NTM: variants seen among roughly 807,000 people sequenced by gnomAD.
The protein encoded by NTM is IgLON family member 2.
In NTM, 13 loss-of-function variants were observed where a neutral mutation model predicts 42.1. That is an observed-to-expected ratio of 0.31 (90% confidence interval 0.20 to 0.49). The LOEUF is 0.49. Among genes scored for constraint, NTM ranks in the 20% least tolerant of loss-of-function variants. The pLI is 0.99. For synonymous variants in NTM, 187 were observed against 179.2 expected (o/e 1.04, Z -0.35); for missense variants, 373 against 452.8 (o/e 0.82, Z 1.60).
chr11:132,295,724 AG>A (rs1482036891), intron 4 of NTM, among the ~76,000 whole-genome samples: 2 of 152,208 alleles, frequency 1.3e-5, no homozygotes, highest in Non-Finnish European at 2.9e-5. Context: ...ATGGCAATAA[AG>A]AACCCAGAGA....
intron 1 of NTM, among the ~76,000 whole-genome samples, chr11:131,814,431 G>T (rs1426518054): frequency 1.3e-5 from 2 of 152,232 alleles, no homozygotes; most frequent in East Asian, 3.9e-4. Context: ...CACACAAATG[G>T]TTCTGATCAC....
At chr11:132,115,236 A>G (rs1352447441) in intron 2 of NTM, among the ~76,000 whole-genome samples, 1 of 152,158 alleles carries the variant, frequency 6.6e-6, no homozygotes, top group Non-Finnish European at 1.5e-5. Context: ...CAGCTTGGTG[A>G]CTGCAGTTAA....
At chr11:131,628,366 C>T (rs2063325077) in intron 1 of NTM, among the ~76,000 whole-genome samples, 1 of 152,208 alleles carries the variant, frequency 6.6e-6, no homozygotes. Flanking sequence ...TGATAATAGG[C>T]CCGGCCCAGT....
chr11:131,989,784 A>G (rs1194703918), intron 2 of NTM, among the ~76,000 whole-genome samples: 1 of 152,012 alleles, frequency 6.6e-6, no homozygotes, highest in Non-Finnish European at 1.5e-5. Flanking sequence ...ACCAAAGCAT[A>G]TAGGAATAGG....
At chr11:132,134,766 A>G (rs1266859439) in intron 2 of NTM, among the ~76,000 whole-genome samples, 1 of 92,754 alleles carries the variant, frequency 1.1e-5, no homozygotes, top group African/African-American at 3.6e-5. Context: ...TATATCTCAC[A>G]TTTTCTTTAT....
chr11:132,055,374 G>A lies in NTM; in HGVS notation c.168-90908G>A, dbSNP rs376973123. ...AGGCTGGCACTTGGAGAGCCCTAGC[G>A]TCAGAGGGGTTAACACATTATCTGG... On this transcript the variant is annotated intron_variant, in intron 2 of 8. Coordinates refer to ENST00000683400, the MANE Select transcript of NTM (RefSeq NM_001352005.2). Among the ~76,000 whole-genome samples the A allele has an allele frequency of 1.8e-4, 28 of 152,238 alleles. No individual in the cohort carries two copies. The East Asian group carries it at 3.1e-3, about 17-fold the overall frequency.
intron 7 of NTM, among the ~76,000 whole-genome samples, chr11:132,319,320 C>T (rs1397537628): frequency 6.6e-6 from 1 of 152,202 alleles, no homozygotes; most frequent in African/African-American, 2.4e-5. Context: ...CATGGCAAGG[C>T]ATCGCCTTAC....
chr11:131,633,570 TACCTCTCCATCTCTCTCC>T (rs2063891318), intron 1 of NTM, among the ~76,000 whole-genome samples: 1 of 147,268 alleles, frequency 6.8e-6, no homozygotes. Context: ...TCTCTCTCTC[TACCTCTCCATCTCTCTCC>T]CTCTCTCACT....
At chr11:131,395,165 G>C (rs1476336991) in intron 1 of NTM, among the ~76,000 whole-genome samples, 1 of 152,122 alleles carries the variant, frequency 6.6e-6, no homozygotes, top group Non-Finnish European at 1.5e-5. Context: ...TCTCTGTCCT[G>C]CCCATTTGTG....
intron 2 of NTM, among the ~76,000 whole-genome samples, chr11:132,083,813 G>T (rs1447653666): frequency 6.6e-6 from 1 of 152,128 alleles, no homozygotes; most frequent in Admixed American, 6.5e-5. Context: ...ATTGCCATAA[G>T]ATAAGAATAC....
At chr11:131,514,569 G>A (rs2048654830) in intron 1 of NTM, among the ~76,000 whole-genome samples, 1 of 151,952 alleles carries the variant, frequency 6.6e-6, no homozygotes, top group Admixed American at 6.6e-5. Flanking sequence ...TTTGTTTTGT[G>A]ATTTATTTAT....
At chr11:132,034,644 T>C (rs1218314186) in intron 2 of NTM, among the ~76,000 whole-genome samples, 2 of 152,226 alleles carry the variant, frequency 1.3e-5, no homozygotes, top group Non-Finnish European at 2.9e-5. Context: ...TGCCATCAGA[T>C]GGTTGTGAGT....
chr11:131,750,732 C>G (rs1271841503), intron 1 of NTM, among the ~76,000 whole-genome samples: 2 of 152,164 alleles, frequency 1.3e-5, no homozygotes, highest in African/African-American at 4.8e-5. Context: ...CTCAGTCACT[C>G]TCATTGCTGG....
chr11:131,992,504 A>G (rs1475578556), intron 2 of NTM, among the ~76,000 whole-genome samples: 1 of 151,884 alleles, frequency 6.6e-6, no homozygotes, highest in Non-Finnish European at 1.5e-5. Context: ...TAAGACTACA[A>G]CTTTGCTTCA....
chr11:131,412,225 A>G (rs1946497543), intron 1 of NTM, among the ~76,000 whole-genome samples: 1 of 152,164 alleles, frequency 6.6e-6, no homozygotes, highest in African/African-American at 2.4e-5. Flanking sequence ...TTTGGGGCTC[A>G]TGGGCCTGTA....
At chr11:131,863,428 T>C (rs2046843494) in intron 1 of NTM, among the ~76,000 whole-genome samples, 1 of 152,130 alleles carries the variant, frequency 6.6e-6, no homozygotes, top group African/African-American at 2.4e-5. Context: ...GCAGGCTGAG[T>C]GCAGTCAGAC....
chr11:132,090,428 C>T (rs923112820), intron 2 of NTM, among the ~76,000 whole-genome samples: 3 of 152,086 alleles, frequency 2.0e-5, no homozygotes, highest in South Asian at 2.1e-4. Context: ...TTCCAGTGCC[C>T]CACCCTCTCA....
chr11:131,391,733 C>A (rs1944034620), intron 1 of NTM, among the ~76,000 whole-genome samples: 6 of 151,130 alleles, frequency 4.0e-5, no homozygotes, highest in Admixed American at 3.9e-4. Context: ...AGGCTCCCAG[C>A]ACCCTGTGCG....
chr11:131,911,111 C>G, intron 1 of NTM: 1 of 1,205,868 alleles, frequency 8.3e-7, no homozygotes, highest in Non-Finnish European at 1.0e-6. Flanking sequence ...AGTGCTTACT[C>G]CTCTCCAAAG....
Sources: allele counts gnomAD v4.1 joint callset (sites outside exome capture counted in the v4.1 genomes callset), GRCh38; gene constraint gnomAD v4.1.1; transcripts MANE v1.5; gene names NCBI Gene and HGNC (gene_info 2026-07-23, HGNC 2026-07-21).